NECAB1: variants seen among roughly 807,000 people sequenced by gnomAD.
NECAB1 encodes the protein N-terminal EF-hand calcium-binding protein 1.
A neutral mutation model predicts 57.5 loss-of-function variants in NECAB1; 29 were observed. The observed-to-expected ratio is 0.50, with a 90% CI of 0.38 to 0.69. The LOEUF (loss-of-function observed/expected upper bound fraction) is 0.69, where lower values mean the gene tolerates loss of function less well. Among genes scored for constraint, NECAB1 ranks in the 30% least tolerant of loss-of-function variants. The pLI is 0.00. For missense variants in NECAB1, 372 were observed against 413.8 expected (o/e 0.90, Z 0.88); for synonymous variants, 142 against 147.7 (o/e 0.96, Z 0.28).
chr8:90,826,556 A>C, intron 3 of NECAB1, among the ~76,000 whole-genome samples: 1 of 151,932 alleles, frequency 6.6e-6, no homozygotes, highest in Non-Finnish European at 1.5e-5. Flanking sequence ...TTGGACGTTG[A>C]GATGCTAATG....
intron 5 of NECAB1, among the ~76,000 whole-genome samples, chr8:90,904,101 C>T (rs1159962): frequency 5.3e-5 from 8 of 152,028 alleles, no homozygotes; most frequent in Non-Finnish European, 1.2e-4. Flanking sequence ...GGCCAAATCA[C>T]TTTCCTGGGT....
intron 3 of NECAB1, among the ~76,000 whole-genome samples, chr8:90,844,359 T>C (rs1399082837): frequency 6.6e-6 from 1 of 152,164 alleles, no homozygotes; most frequent in Non-Finnish European, 1.5e-5. Flanking sequence ...CTCTGTGATG[T>C]TACCACTGCT....
rs1233104970 is a variant in NECAB1, at chr8:90,824,731, T to A, written c.139T>A (p.Ser47Thr). The A allele has an allele frequency of 6.5e-7, 1 of 1,538,012 alleles. No individual in the cohort carries two copies. The highest frequency in any genetic ancestry group is 8.8e-7 in the Non-Finnish European group (1 of 1,138,378). The change falls in exon 3 of 13, where the codon TCC becomes ACC. Residue 47 changes from serine (S) to threonine (T), a missense_variant. Transcript: ENST00000417640. ...TGCCATTTCAGATGATGGAAAATTA[T>A]CCTTTGAAGAATTCAAAGCATATTT... Reference protein sequence around the residue: ...RADKNDDGKLSFEEFKAYFAD... With the variant: ...RADKNDDGKLTFEEFKAYFAD...
At chr8:90,795,831 G>A (rs946234157) in intron 1 of NECAB1, among the ~76,000 whole-genome samples, 10 of 151,880 alleles carry the variant, frequency 6.6e-5, no homozygotes, top group Admixed American at 6.6e-4. Context: ...TGTCACTCTT[G>A]TAGTTATAGG....
rs768996360 is a variant in NECAB1, at chr8:90,925,565, G to A, written c.525G>A (p.Ser175=). Reference sequence around the variant, plus strand: ...GGCCAGCCAAGCCAGAAGTCCTGTCGATTCAATGGCCTGGAAAACGATCAA... The same window carrying A: ...GGCCAGCCAAGCCAGAAGTCCTGTCAATTCAATGGCCTGGAAAACGATCAA... ...RQGPAKPEVL[S]IQWPGKRSSR... The change falls in exon 7 of 13, where the codon TCG becomes TCA. Residue 175 remains serine (S), a synonymous_variant. Coordinates refer to ENST00000417640, the MANE Select transcript of NECAB1 (RefSeq NM_022351.5). 39 of 1,613,106 alleles carry A rather than the reference G, an allele frequency of 2.4e-5. No individual in the cohort carries two copies. The East Asian group carries it at 4.7e-4, about 19-fold the overall frequency.
intron 10 of NECAB1, among the ~76,000 whole-genome samples, chr8:90,947,254 C>T (rs1241520466): frequency 6.9e-6 from 1 of 145,312 alleles, no homozygotes; most frequent in African/African-American, 2.6e-5. Flanking sequence ...CATAGCTACT[C>T]GCCCAATAAA....
intron 5 of NECAB1, among the ~76,000 whole-genome samples, chr8:90,882,140 C>CA (rs1207604411): frequency 6.6e-6 from 1 of 151,962 alleles, no homozygotes; most frequent in Admixed American, 6.6e-5. Flanking sequence ...GAAATAAAAA[C>CA]AAAAAACCTC....
chr8:90,853,861 C>T (rs1812737218), intron 3 of NECAB1, among the ~76,000 whole-genome samples: 1 of 152,046 alleles, frequency 6.6e-6, no homozygotes, highest in Non-Finnish European at 1.5e-5. Flanking sequence ...AAATCTGTCC[C>T]CCTAACCCAC....
intron 5 of NECAB1, among the ~76,000 whole-genome samples, chr8:90,892,703 C>T (rs1809215992): frequency 6.6e-6 from 1 of 152,216 alleles, no homozygotes; most frequent in Non-Finnish European, 1.5e-5. Context: ...GCCTCCTTGA[C>T]TCGCACAGGG....
At chr8:90,805,915 A>G (rs1181752920) in intron 2 of NECAB1, among the ~76,000 whole-genome samples, 1 of 152,074 alleles carries the variant, frequency 6.6e-6, no homozygotes, top group Non-Finnish European at 1.5e-5. Flanking sequence ...GAAAGTTTGT[A>G]CCCTTGACTA....
chr8:90,806,994 T>C (rs1178260378), intron 2 of NECAB1, among the ~76,000 whole-genome samples: 2 of 152,218 alleles, frequency 1.3e-5, no homozygotes, highest in African/African-American at 4.8e-5. Flanking sequence ...GTGATTTTTT[T>C]TCACTTTGTT....
At chr8:90,896,418 CA>C (rs1809334545) in intron 5 of NECAB1, among the ~76,000 whole-genome samples, 1 of 152,070 alleles carries the variant, frequency 6.6e-6, no homozygotes, top group South Asian at 2.1e-4. Flanking sequence ...TCCTGGCTAA[CA>C]TGGTGAAACC....
At chr8:90,942,244 G>A (rs951516395) in intron 10 of NECAB1, among the ~76,000 whole-genome samples, 1 of 152,172 alleles carries the variant, frequency 6.6e-6, no homozygotes, top group Non-Finnish European at 1.5e-5. Context: ...CAGTCCATAT[G>A]CAGTGCTCAG....
chr8:90,830,826 G>A (rs531653848), intron 3 of NECAB1, among the ~76,000 whole-genome samples: 48 of 152,240 alleles, frequency 3.2e-4, no homozygotes, highest in South Asian at 6.2e-4. Context: ...AAGCTGTGGA[G>A]AGAATAACAT....
chr8:90,953,107 C>T (rs532002832), intron 12 of NECAB1, among the ~76,000 whole-genome samples: 3 of 152,246 alleles, frequency 2.0e-5, no homozygotes, highest in Non-Finnish European at 2.9e-5. Context: ...CTCTCCCAAA[C>T]CAATGTGGAA....
chr8:90,802,837 TG>T (rs1389399374), intron 2 of NECAB1, among the ~76,000 whole-genome samples: 1 of 152,244 alleles, frequency 6.6e-6, no homozygotes, highest in African/African-American at 2.4e-5. Flanking sequence ...ATGTGCTTTT[TG>T]TTCCCATTTG....
intron 10 of NECAB1, among the ~76,000 whole-genome samples, chr8:90,943,962 G>A (rs1666486962): frequency 6.6e-6 from 1 of 152,046 alleles, no homozygotes; most frequent in Non-Finnish European, 1.5e-5. Context: ...ATGTTGCCCT[G>A]GCTGGTCTTG....
chr8:90,928,775 C>T (rs1810336866), intron 8 of NECAB1, among the ~76,000 whole-genome samples: 1 of 152,200 alleles, frequency 6.6e-6, no homozygotes, highest in African/African-American at 2.4e-5. Context: ...GAAATTAGCA[C>T]ATTAACCGAT....
At chr8:90,792,381 C>A (rs1406288657) in intron 1 of NECAB1, among the ~76,000 whole-genome samples, 1 of 152,218 alleles carries the variant, frequency 6.6e-6, no homozygotes, top group African/African-American at 2.4e-5. Flanking sequence ...CTCGTGGATG[C>A]TCTCAAGCAA....
Sources: allele counts gnomAD v4.1 joint callset (sites outside exome capture counted in the v4.1 genomes callset), GRCh38; gene constraint gnomAD v4.1.1; transcripts MANE v1.5; gene names NCBI Gene and HGNC (gene_info 2026-07-23, HGNC 2026-07-21).